The following LEF1 variants were observed in gnomAD, a reference collection of about 807,000 sequenced individuals.
The protein encoded by LEF1 is lymphoid enhancer binding factor 1, also known as lymphoid enhancer-binding factor 1.
A neutral mutation model predicts 51.2 loss-of-function variants in LEF1; 14 were observed. That is an observed-to-expected ratio of 0.27 (90% confidence interval 0.18 to 0.43). The LOEUF (loss-of-function observed/expected upper bound fraction) is 0.43, where lower values mean the gene tolerates loss of function less well. Among genes scored for constraint, LEF1 ranks in the 20% least tolerant of loss-of-function variants. LEF1 has a pLI of 1.00. For missense variants in LEF1, 386 were observed against 512.0 expected (o/e 0.75, Z 2.37); for synonymous variants, 185 against 183.2 (o/e 1.01, Z -0.08).
chr4:108,058,907 C>G (rs1486711661), intron 11 of LEF1, among the ~76,000 whole-genome samples: 1 of 152,176 alleles, frequency 6.6e-6, no homozygotes, highest in East Asian at 1.9e-4. Flanking sequence ...GGACAAAGGA[C>G]AGTGTGTGCA....
intron 3 of LEF1, among the ~76,000 whole-genome samples, chr4:108,113,146 G>C (rs1459944862): frequency 1.3e-5 from 2 of 152,178 alleles, no homozygotes; most frequent in Non-Finnish European, 2.9e-5. Context: ...TTTGTTTAGT[G>C]CCATACAGTT....
chr4:108,063,529 T>C (rs1016023528), intron 11 of LEF1, 94 bp downstream of exon 11: 12 of 936,008 alleles, frequency 1.3e-5, no homozygotes, highest in African/African-American at 3.4e-5. Flanking sequence ...AGGAGCAATG[T>C]CGAATGAACT....
chr4:108,122,705 C>T (rs932406360), intron 3 of LEF1, among the ~76,000 whole-genome samples: 2 of 151,894 alleles, frequency 1.3e-5, no homozygotes, highest in East Asian at 1.9e-4. Flanking sequence ...AGGCTGGTCT[C>T]GAAATCCTGG....
intron 3 of LEF1, among the ~76,000 whole-genome samples, chr4:108,106,649 C>A (rs1741188882): frequency 6.6e-6 from 1 of 152,128 alleles, no homozygotes; most frequent in Non-Finnish European, 1.5e-5. Context: ...AGTGGTAGAG[C>A]CAGCACTAGA....
chr4:108,119,784 C>T (rs1480979831), intron 3 of LEF1, among the ~76,000 whole-genome samples: 1 of 152,048 alleles, frequency 6.6e-6, no homozygotes, highest in Non-Finnish European at 1.5e-5. Context: ...TTTCAGCATC[C>T]ATTTATAATC....
intron 3 of LEF1, among the ~76,000 whole-genome samples, chr4:108,129,410 T>C (rs114093156): frequency 0.016 from 2,455 of 152,244 alleles, 21 homozygotes; most frequent in Non-Finnish European, 0.027. Flanking sequence ...GAAGAAAAAA[T>C]ATCACTGAAT....
chr4:108,110,710 C>T (rs1028584960), intron 3 of LEF1, among the ~76,000 whole-genome samples: 5 of 152,190 alleles, frequency 3.3e-5, no homozygotes, highest in African/African-American at 1.2e-4. Context: ...TTCCATCATC[C>T]TCGTTGAGTG....
At chr4:108,140,134 C>T (rs1268397482) in intron 3 of LEF1, among the ~76,000 whole-genome samples, 2 of 152,038 alleles carry the variant, frequency 1.3e-5, no homozygotes, top group South Asian at 2.1e-4. Context: ...CCTAATTTGC[C>T]GTCGAAGTCT....
chr4:108,136,864 T>G (rs1333052700), intron 3 of LEF1, among the ~76,000 whole-genome samples: 5 of 152,190 alleles, frequency 3.3e-5, no homozygotes, highest in African/African-American at 1.2e-4. Flanking sequence ...TATATAAGTA[T>G]GTAGTCATTG....
intron 3 of LEF1, among the ~76,000 whole-genome samples, chr4:108,142,639 AC>A (rs1163587529): frequency 6.6e-6 from 1 of 152,246 alleles, no homozygotes; most frequent in Non-Finnish European, 1.5e-5. Context: ...ACCATAAATC[AC>A]TATACTATGT....
At chr4:108,085,002 G>A (rs1450357526) in intron 4 of LEF1, among the ~76,000 whole-genome samples, 1 of 152,200 alleles carries the variant, frequency 6.6e-6, no homozygotes, top group Non-Finnish European at 1.5e-5. Context: ...AAAAACATCA[G>A]AAATGTAGTG....
At chr4:108,142,318 G>A (rs770684004) in intron 3 of LEF1, among the ~76,000 whole-genome samples, 2 of 152,194 alleles carry the variant, frequency 1.3e-5, no homozygotes, top group Admixed American at 6.5e-5. Context: ...ATTAACAGAA[G>A]AGGAAGAACA....
At chr4:108,081,796 G>C (rs1650937635) in intron 5 of LEF1, 127 bp from the exon 6 acceptor site, 1 of 678,596 alleles carries the variant, frequency 1.5e-6, no homozygotes, top group South Asian at 1.8e-5. Flanking sequence ...ACAGACCCCG[G>C]GATTGTTTCA....
chr4:108,157,191 C>G (rs559881467), intron 3 of LEF1, among the ~76,000 whole-genome samples: 1 of 147,556 alleles, frequency 6.8e-6, no homozygotes, highest in African/African-American at 2.6e-5. Flanking sequence ...CACACACACA[C>G]ACACACACAC....
intron 3 of LEF1, among the ~76,000 whole-genome samples, chr4:108,158,161 C>T (rs1195100718): frequency 6.6e-6 from 1 of 152,120 alleles, no homozygotes; most frequent in East Asian, 1.9e-4. Flanking sequence ...GCAGAGTCCA[C>T]AGTTCCTAGG....
At chr4:108,123,491 C>T (rs1742311434) in intron 3 of LEF1, among the ~76,000 whole-genome samples, 1 of 138,914 alleles carries the variant, frequency 7.2e-6, no homozygotes, top group East Asian at 2.1e-4. Context: ...ATCCTGCGTA[C>T]CCTACAAGAT....
At chr4:108,158,741 C>T (rs985257019) in intron 3 of LEF1, among the ~76,000 whole-genome samples, 6 of 151,862 alleles carry the variant, frequency 4.0e-5, no homozygotes, top group African/African-American at 7.3e-5. Flanking sequence ...AAAACTCATC[C>T]GCTACAAAAT....
At chr4:108,162,333 C>A (rs138331257) in intron 3 of LEF1, among the ~76,000 whole-genome samples, 1 of 152,082 alleles carries the variant, frequency 6.6e-6, no homozygotes, top group Non-Finnish European at 1.5e-5. Flanking sequence ...AAAATAATTA[C>A]AATAACATCT....
At chr4:108,070,975 C>T (rs920399055) in intron 8 of LEF1, 22 of 488,454 alleles carry the variant, frequency 4.5e-5, no homozygotes, top group Non-Finnish European at 6.2e-5. Context: ...TTTCTCTATC[C>T]TGTTCTCTGA....
Sources: allele counts gnomAD v4.1 joint callset (sites outside exome capture counted in the v4.1 genomes callset), GRCh38; gene constraint gnomAD v4.1.1; transcripts MANE v1.5; gene names NCBI Gene and HGNC (gene_info 2026-07-23, HGNC 2026-07-21).